OSBPL6: variants seen among roughly 807,000 people sequenced by gnomAD.
OSBPL6 encodes oxysterol-binding protein-related protein 6.
In OSBPL6, 49 loss-of-function variants were observed where a neutral mutation model predicts 125.8. That is an observed-to-expected ratio of 0.39 (90% CI 0.31 to 0.49). The LOEUF (loss-of-function observed/expected upper bound fraction) is 0.49. Among genes scored for constraint, OSBPL6 ranks in the 20% least tolerant of loss-of-function variants. The pLI is 0.88. For synonymous variants in OSBPL6, 394 were observed against 391.8 expected, an observed-to-expected ratio of 1.01 and a Z score of -0.07; for missense variants, 986 against 1,135.4, an observed-to-expected ratio of 0.87 and a Z score of 1.89.
intron 3 of OSBPL6, among the ~76,000 whole-genome samples, chr2:178,322,715 T>C (rs1183193743): frequency 6.6e-6 from 1 of 152,126 alleles, no homozygotes; most frequent in Non-Finnish European, 1.5e-5. Flanking sequence ...AATTTCTAAA[T>C]GGTTATTTCA....
chr2:178,364,515 C>T (rs1290203408), intron 13 of OSBPL6, among the ~76,000 whole-genome samples: 1 of 151,974 alleles, frequency 6.6e-6, no homozygotes, highest in African/African-American at 2.4e-5. Flanking sequence ...TCAAAGACAC[C>T]CAGGAGGGAG....
intron 1 of OSBPL6, among the ~76,000 whole-genome samples, chr2:178,263,585 G>A (rs189355041): frequency 6.9e-4 from 105 of 152,306 alleles, no homozygotes; most frequent in Non-Finnish European, 6.0e-4. Flanking sequence ...TAAGTTACTT[G>A]TACAAAGTGA....
chr2:178,221,617 C>T (rs2090343704), intron 1 of OSBPL6, among the ~76,000 whole-genome samples: 2 of 152,208 alleles, frequency 1.3e-5, no homozygotes, highest in South Asian at 4.1e-4. Context: ...AGTGATTTAG[C>T]TGATCATCAG....
chr2:178,392,098 A>G (rs908321764), intron 22 of OSBPL6, among the ~76,000 whole-genome samples: 2 of 152,236 alleles, frequency 1.3e-5, no homozygotes, highest in African/African-American at 2.4e-5. Flanking sequence ...GTTAATTGCC[A>G]TAGTATTTAG....
At chr2:178,283,040 G>T (rs1370159580) in intron 1 of OSBPL6, among the ~76,000 whole-genome samples, 1 of 152,126 alleles carries the variant, frequency 6.6e-6, no homozygotes, top group Non-Finnish European at 1.5e-5. Flanking sequence ...GTAGTGTGCA[G>T]AAAATAAAAA....
chr2:178,368,365 T>A (rs1693055095), intron 13 of OSBPL6, among the ~76,000 whole-genome samples: 1 of 152,180 alleles, frequency 6.6e-6, no homozygotes, highest in Non-Finnish European at 1.5e-5. Flanking sequence ...AGTCTTGATT[T>A]CCATGCTTCC....
chr2:178,305,272 A>G (rs1205799785), intron 2 of OSBPL6, among the ~76,000 whole-genome samples: 2 of 152,222 alleles, frequency 1.3e-5, no homozygotes, highest in Non-Finnish European at 2.9e-5. Flanking sequence ...ATTTTTTAGC[A>G]TAGCTGTGTT....
chr2:178,316,550 C>G (rs1687752668), intron 3 of OSBPL6, among the ~76,000 whole-genome samples: 1 of 152,156 alleles, frequency 6.6e-6, no homozygotes, highest in African/African-American at 2.4e-5. Flanking sequence ...GTTTCCAGAT[C>G]CGTGGATTGA....
chr2:178,275,692 G>A (rs1332806562), intron 1 of OSBPL6, among the ~76,000 whole-genome samples: 1 of 151,038 alleles, frequency 6.6e-6, no homozygotes, highest in Non-Finnish European at 1.5e-5. Context: ...GCCTCAAAGC[G>A]AGACAAGGTC....
chr2:178,281,175 C>T (rs962812792), intron 1 of OSBPL6, among the ~76,000 whole-genome samples: 1 of 152,020 alleles, frequency 6.6e-6, no homozygotes, highest in African/African-American at 2.4e-5. Flanking sequence ...CCACACCTGG[C>T]TAATTTTTGT....
At chr2:178,206,988 C>CA in intron 1 of OSBPL6, among the ~76,000 whole-genome samples, 1 of 152,080 alleles carries the variant, frequency 6.6e-6, no homozygotes, top group South Asian at 2.1e-4. Context: ...AGGCTGGTCT[C>CA]AAAGTCCTGG....
chr2:178,356,472 T>C (rs1691806570), intron 12 of OSBPL6, among the ~76,000 whole-genome samples: 1 of 152,050 alleles, frequency 6.6e-6, no homozygotes, highest in Non-Finnish European at 1.5e-5. Flanking sequence ...AAATCATGAG[T>C]GAACTCCCAT....
intron 1 of OSBPL6, among the ~76,000 whole-genome samples, chr2:178,258,110 C>CT (rs1319795747): frequency 6.7e-6 from 1 of 148,580 alleles, no homozygotes; most frequent in Non-Finnish European, 1.5e-5. Flanking sequence ...GTTTTTTTTT[C>CT]TTTTTTTTGA....
At position 178,207,909 on chromosome 2, in the gene OSBPL6, A is replaced by G. The variant is rs368938948; in HGVS notation, c.-351+13235A>G. Among the ~76,000 whole-genome samples, 96 of 152,378 alleles carry G rather than the reference A, an allele frequency of 6.3e-4. 2 individuals carry two copies. In the South Asian group the frequency reaches 0.01, roughly 16 times the overall value. On this transcript the variant is annotated intron_variant, in intron 1 of 24. Transcript: ENST00000190611. ...GTTTTTCTCTCTGAACTATTTGATG[A>G]TAAGCAAATATTAACCAAATTATGG... is the stretch of plus-strand genomic sequence containing the variant.
At chr2:178,330,818 C>A (rs894607608) in intron 5 of OSBPL6, among the ~76,000 whole-genome samples, 1 of 152,076 alleles carries the variant, frequency 6.6e-6, no homozygotes, top group Non-Finnish European at 1.5e-5. Flanking sequence ...TTGTGAATTG[C>A]CCGTGGAAGA....
At chr2:178,259,469 A>G (rs1111250) in intron 1 of OSBPL6, among the ~76,000 whole-genome samples, 37,637 of 151,976 alleles carry the variant, frequency 0.25, 5,210 homozygotes, top group African/African-American at 0.38. Flanking sequence ...CTGTACCCAG[A>G]GCTTGCATTT....
At chr2:178,288,530 A>C (rs182226758) in intron 2 of OSBPL6, among the ~76,000 whole-genome samples, 78 of 152,328 alleles carry the variant, frequency 5.1e-4, no homozygotes, top group African/African-American at 1.7e-3. Flanking sequence ...TTGTACCTTG[A>C]ATACATATCC....
Position 178,382,432 on chromosome 2 carries a change from G to A in OSBPL6, c.1546G>A (p.Glu516Lys). ...SSSENEASDD[E>K]SYISDVSDNI... Reference sequence around the variant, plus strand: ...TTCCCTTCCTTAGGCTTCAGATGATGAGTCTTACATCAGTGATGTGAGTGA... The same window carrying A: ...TTCCCTTCCTTAGGCTTCAGATGATAAGTCTTACATCAGTGATGTGAGTGA... The change falls in exon 16 of 25, where the codon GAG becomes AAG. Residue 516 changes from glutamate to lysine, a missense_variant. This residue lies in a region of OSBPL6 where 843 missense variants were observed against 997.3 expected (regional missense o/e 0.85). Transcript: ENST00000190611. 1 of 1,604,730 alleles carries A rather than the reference G, an allele frequency of 6.2e-7. No individual in the cohort carries two copies. The highest frequency in any genetic ancestry group is 8.5e-7 in the Non-Finnish European group (1 of 1,174,734).
chr2:178,329,456 C>G (rs963562331), intron 5 of OSBPL6, among the ~76,000 whole-genome samples: 7 of 151,246 alleles, frequency 4.6e-5, no homozygotes, highest in Non-Finnish European at 8.8e-5. Context: ...ACTCTGTCAC[C>G]CAGGCTGGAG....
Sources: gnomAD v4.1 joint callset for allele counts (sites outside exome capture counted in the v4.1 genomes callset) on GRCh38, gnomAD v4.1.1 for gene constraint, gnomAD v4.1.1 regional missense constraint, MANE v1.5 for transcripts, NCBI Gene and HGNC (gene_info 2026-07-23, HGNC 2026-07-21) for gene names.